The following SPINT3 variants were observed in gnomAD, a reference collection of about 807,000 sequenced individuals.
SPINT3 encodes the protein serine peptidase inhibitor, Kunitz type 3.
Under a neutral mutation model 3.3 loss-of-function variants are expected in SPINT3, and 4 were observed. That is an observed-to-expected ratio of 1.22 (90% confidence interval 0.60 to 2.79). The LOEUF (loss-of-function observed/expected upper bound fraction) is 2.79, where lower values mean the gene tolerates loss of function less well. Ranked by LOEUF, SPINT3 falls within the 30% of genes most tolerant of loss-of-function variation. The pLI is 0.01. For missense variants in SPINT3, 97 were observed against 104.3 expected, an observed-to-expected ratio of 0.93 and a Z score of 0.31; for synonymous variants, 30 against 38.6, an observed-to-expected ratio of 0.78 and a Z score of 0.83.
At chr20:45,513,887 G>T (rs1245969675) in intron 1 of SPINT3, among the ~76,000 whole-genome samples, 1 of 152,240 alleles carries the variant, frequency 6.6e-6, no homozygotes, top group African/African-American at 2.4e-5. Context: ...GCAAAGGCTT[G>T]CAGGTTCTCC....
intron 1 of SPINT3, 59 bp downstream of exon 1, chr20:45,515,474 A>ACCCCCCCCCCC: frequency 1.8e-6 from 2 of 1,091,464 alleles, no homozygotes; most frequent in East Asian, 3.7e-5. Context: ...CTCCCCCACC[A>ACCCCCCCCCCC]CCCCGCCCCC....
intron 1 of SPINT3, among the ~76,000 whole-genome samples, chr20:45,515,286 C>G (rs752856419): frequency 6.6e-5 from 10 of 152,166 alleles, no homozygotes; most frequent in Non-Finnish European, 1.2e-4. Flanking sequence ...ATGTCTCTCT[C>G]CCATTAGCAT....
In SPINT3 at chr20:45,512,654, G is replaced by A. The variant is rs1165628335; in HGVS notation, c.267C>T (p.Thr89=). The change falls in exon 2 of 2, where the codon ACC becomes ACT. Residue 89 remains threonine (T), a synonymous_variant. Coordinates refer to ENST00000217428, the MANE Select transcript of SPINT3 (RefSeq NM_006652.2). The part of the protein sequence containing the change: ...KEKCEKFCKF[T] ...GGGCTGTGTTCTTGTTAGAAAATCA[G>A]GTGAACTTGCAGAATTTCTCACATT... The A allele has an allele frequency of 1.3e-6, 2 of 1,551,368 alleles. No homozygotes were observed. Among genetic ancestry groups the A allele is most frequent in the Admixed American group, 3.9e-5 (2 of 50,966 alleles).
intron 1 of SPINT3, among the ~76,000 whole-genome samples, chr20:45,515,179 A>AC (rs557987201): frequency 3.8e-4 from 58 of 152,216 alleles, no homozygotes; most frequent in African/African-American, 1.4e-3. Flanking sequence ...CTTGCCTGCC[A>AC]CCAGCCCCAC....
chr20:45,512,688 C>G lies in SPINT3; in HGVS notation c.233G>C (p.Arg78Thr), dbSNP rs1312479234. 6.4e-7 allele frequency: 1 copy of G among 1,551,464 alleles called. No homozygotes were observed. The highest frequency in any genetic ancestry group is 2.0e-5 in the Admixed American group (1 of 50,952). Residue 78 changes from arginine (R) to threonine (T), a missense_variant, in exon 2 of 2, where the codon AGG becomes ACG. Arg to Thr is a moderately conservative substitution (Grantham distance 71). Coordinates refer to ENST00000217428, the MANE Select transcript of SPINT3 (RefSeq NM_006652.2). ...GCAGAATTTCTCACATTTTTCTTTC[C>G]TCAAAAAGTTGTTGCTGTTGCCTCC... ...GCGGNSNNFL[R>T]KEKCEKFCKF...
intron 1 of SPINT3, among the ~76,000 whole-genome samples, chr20:45,513,489 T>C (rs1366057517): frequency 1.3e-5 from 2 of 152,232 alleles, no homozygotes; most frequent in African/African-American, 4.8e-5. Flanking sequence ...GTGAAAAGCA[T>C]TGATAAATAG....
At chr20:45,513,080 G>C (rs1184286740) in intron 1 of SPINT3, among the ~76,000 whole-genome samples, 1 of 152,202 alleles carries the variant, frequency 6.6e-6, no homozygotes, top group Non-Finnish European at 1.5e-5. Context: ...AACTCAAGTG[G>C]ATTGAGATCC....
intron 1 of SPINT3, among the ~76,000 whole-genome samples, 160 bp downstream of exon 1, chr20:45,515,373 T>C (rs1185108308): frequency 6.6e-6 from 1 of 152,198 alleles, no homozygotes; most frequent in African/African-American, 2.4e-5. Flanking sequence ...CACATAACTA[T>C]GTGCCCAACA....
chr20:45,512,531 A>C lies in SPINT3; in HGVS notation c.*120T>G. 1 of 944,596 alleles carries C rather than the reference A, an allele frequency of 1.1e-6. No individual in the cohort carries two copies. The highest frequency in any genetic ancestry group is 1.6e-6 in the Non-Finnish European group (1 of 642,056). 58.5% of individuals were successfully genotyped at this position (944,596 alleles called of 1,614,324 possible). ...TTGTAGGAGCACATCAGGGAGAATA[A>C]ATGTGGGGGTAGAGGAATGAACCTC... On this transcript the variant is annotated 3_prime_UTR_variant, in exon 2 of 2. Transcript: ENST00000217428.
rs1462523335 is a variant in SPINT3 at position 45,512,791 on chromosome 20, G to A, written c.130C>T (p.Pro44Ser). The A allele has an allele frequency of 1.9e-5, 30 of 1,551,438 alleles. No homozygotes were observed. The highest frequency in any genetic ancestry group is 2.4e-5 in the Non-Finnish European group (28 of 1,146,982). The change falls in exon 2 of 2, where the codon CCT becomes TCT. Residue 44 changes from proline (P) to serine (S), a missense_variant. Coordinates refer to ENST00000217428, the MANE Select transcript of SPINT3 (RefSeq NM_006652.2). ...CATCGCGTCATGTAGGTTTGACAAG[G>A]GCCCTTTTCCATAGGAAAAGCGCAT... ...NVCAFPMEKGPCQTYMTRWFF... is the reference protein window; with the variant it reads ...NVCAFPMEKGSCQTYMTRWFF...
intron 1 of SPINT3, 84 bp from the exon 2 acceptor site, chr20:45,512,928 GGGCACAATTGTGAGGCC>G: frequency 9.0e-7 from 1 of 1,116,996 alleles, no homozygotes; most frequent in Non-Finnish European, 1.3e-6. Flanking sequence ...TGACAGCCCT[GGGCACAATTGTGAGGCC>G]ATCCACAATG....
Position 45,512,597 on chromosome 20 carries a change from T to C in SPINT3, c.*54A>G. The C allele has an allele frequency of 1.3e-6, 2 of 1,508,110 alleles. No homozygotes were observed. Among genetic ancestry groups the C allele is most frequent in the South Asian group, 2.5e-5 (2 of 80,014 alleles). 93.4% of individuals were successfully genotyped at this position (1,508,110 alleles called of 1,614,324 possible). On this transcript the variant is annotated 3_prime_UTR_variant, in exon 2 of 2. Transcript: ENST00000217428. ...CACACACACACACGCAAATGCCTTC[T>C]ATGGCCCTCAGAGCAATCCCGAATC... is the stretch of plus-strand genomic sequence containing the variant.
At chr20:45,514,399 A>G (rs1978817609) in intron 1 of SPINT3, among the ~76,000 whole-genome samples, 1 of 152,218 alleles carries the variant, frequency 6.6e-6, no homozygotes, top group Non-Finnish European at 1.5e-5. Flanking sequence ...AAAGCAGAAA[A>G]GATGGTTAAT....
At chr20:45,514,403 G>A (rs976568959) in intron 1 of SPINT3, among the ~76,000 whole-genome samples, 3 of 152,150 alleles carry the variant, frequency 2.0e-5, no homozygotes, top group Non-Finnish European at 2.9e-5. Context: ...CAGAAAAGAT[G>A]GTTAATCTTT....
chr20:45,513,456 T>C (rs1012188424), intron 1 of SPINT3, among the ~76,000 whole-genome samples: 4 of 152,250 alleles, frequency 2.6e-5, no homozygotes, highest in Non-Finnish European at 5.9e-5. Context: ...ATTTTTGGTT[T>C]ATTGCAGGGT....
chr20:45,514,982 C>T (rs546316333), intron 1 of SPINT3, among the ~76,000 whole-genome samples: 25 of 152,278 alleles, frequency 1.6e-4, no homozygotes, highest in African/African-American at 5.8e-4. Flanking sequence ...AAACTGCTGC[C>T]TACCATCCCC....
In SPINT3 at chr20:45,515,585, C is replaced by G; in HGVS notation, c.24G>C (p.Ser8=). 1 of 1,550,650 alleles carries G rather than the reference C, an allele frequency of 6.4e-7. No homozygotes were observed. Among genetic ancestry groups the G allele is most frequent in the Non-Finnish European group, 8.7e-7 (1 of 1,146,732 alleles). Reference sequence around the variant, plus strand: ...GGCAGAGAGTGAGAATCAGGAGAAACGAGAGAGAGGCCTGAAGCTGCATGG... The same window carrying G: ...GGCAGAGAGTGAGAATCAGGAGAAAGGAGAGAGAGGCCTGAAGCTGCATGG... The part of the protein sequence containing the change: MQLQASL[S]FLLILTLCLE... The change falls in exon 1 of 2, where the codon TCG becomes TCC. Residue 8 remains serine (S), a synonymous_variant. Transcript: ENST00000217428.
At chr20:45,512,873 C>G in intron 1 of SPINT3, 29 bp from the exon 2 acceptor site, 2 of 1,527,192 alleles carry the variant, frequency 1.3e-6, no homozygotes, top group South Asian at 1.2e-5. Flanking sequence ...TGAAGGAGAC[C>G]AAACCCATCA....
chr20:45,512,861 G>C lies in SPINT3; in HGVS notation c.77-17C>G, dbSNP rs1218105665. 1.2e-5 allele frequency: 19 copies of C among 1,547,778 alleles called. No individual in the cohort carries two copies. The highest frequency in any genetic ancestry group is 1.7e-4 in the Middle Eastern group (1 of 5,990). On this transcript the variant is annotated splice_polypyrimidine_tract_variant and intron_variant, in intron 1 of 1. Transcript: ENST00000217428. Reference sequence around the variant, plus strand: ...TGATAGTGTCTGAAGAGAGAAAGTGGTTGAAGGAGACCAAACCCATCACCT... The same window carrying C: ...TGATAGTGTCTGAAGAGAGAAAGTGCTTGAAGGAGACCAAACCCATCACCT...
Sources: gnomAD v4.1 joint callset for allele counts (sites outside exome capture counted in the v4.1 genomes callset) on GRCh38, gnomAD v4.1.1 for gene constraint, MANE v1.5 for transcripts, NCBI Gene and HGNC (gene_info 2026-07-23, HGNC 2026-07-21) for gene names.